The following ANO2 variants were observed in gnomAD, a reference collection of about 807,000 sequenced individuals.
ANO2 encodes anoctamin 2.
ANO2 carries 101 observed loss-of-function variants against 124.2 expected under a neutral mutation model. The ratio of observed to expected loss-of-function variants is 0.81; its 90% CI spans 0.69 to 0.96. The LOEUF is 0.96. Among genes scored for constraint, ANO2 ranks in the 40% least tolerant of loss-of-function variants. ANO2 has a pLI of 0.00. For missense variants in ANO2, 1,293 were observed against 1,274.5 expected (o/e 1.01, Z -0.22); for synonymous variants, 486 against 482.5 (o/e 1.01, Z -0.09).
At chr12:5,632,947 T>C (rs901672555) in intron 16 of ANO2, among the ~76,000 whole-genome samples, 3 of 152,164 alleles carry the variant, frequency 2.0e-5, no homozygotes, top group African/African-American at 7.2e-5. Flanking sequence ...CCTATTTCCC[T>C]GCTAAGTAAT....
chr12:5,941,445 A>C (rs1942889979), intron 1 of ANO2, among the ~76,000 whole-genome samples: 1 of 152,202 alleles, frequency 6.6e-6, no homozygotes, highest in African/African-American at 2.4e-5. Context: ...GATTGGAAAA[A>C]TTTAACAGCA....
At chr12:5,833,292 T>C (rs1954213976) in intron 4 of ANO2, among the ~76,000 whole-genome samples, 1 of 152,248 alleles carries the variant, frequency 6.6e-6, no homozygotes, top group African/African-American at 2.4e-5. Flanking sequence ...TTATAATGCA[T>C]AGCATGCTTT....
At chr12:5,634,509 C>G (rs892643025) in intron 16 of ANO2, among the ~76,000 whole-genome samples, 5 of 152,188 alleles carry the variant, frequency 3.3e-5, no homozygotes, top group Non-Finnish European at 5.9e-5. Flanking sequence ...CAGCCTCCCC[C>G]ACCCAATAAG....
chr12:5,664,220 A>G (rs1395071747), intron 14 of ANO2, among the ~76,000 whole-genome samples: 1 of 152,126 alleles, frequency 6.6e-6, no homozygotes, highest in Non-Finnish European at 1.5e-5. Context: ...GGCCAAGATT[A>G]ATCATTCCAT....
rs369756890 is a variant in ANO2, at chr12:5,812,791, A to G, written c.893-5423T>C. 6.5e-4 allele frequency among the ~76,000 whole-genome samples: 94 copies of G among 143,918 alleles called. 1 individual carries two copies. Among genetic ancestry groups the G allele is most frequent in the African/African-American group, 2.7e-3 (94 of 35,412 alleles). 94.4% of individuals were successfully genotyped at this position (143,918 alleles called of 152,430 possible). A position where few individuals can be genotyped will look rare whatever the true frequency, so the allele number is the denominator to read the frequency against. On this transcript the variant is annotated intron_variant, in intron 7 of 24. Coordinates refer to ENST00000682330, the MANE Select transcript of ANO2 (RefSeq NM_001364791.2). Reference sequence around the variant, plus strand: ...GCAGGCAAGTGAAAGAAAGAAAAAGAAAGAAAGAAAGGAAAAAAGGAAGGA... The same window carrying G: ...GCAGGCAAGTGAAAGAAAGAAAAAGGAAGAAAGAAAGGAAAAAAGGAAGGA...
chr12:5,794,436 T>C (rs760304898), intron 10 of ANO2, among the ~76,000 whole-genome samples: 1 of 152,208 alleles, frequency 6.6e-6, no homozygotes, highest in Non-Finnish European at 1.5e-5. Flanking sequence ...TTTGAGTCAA[T>C]GTGATTTTCA....
intron 3 of ANO2, among the ~76,000 whole-genome samples, chr12:5,887,996 G>C (rs567422541): frequency 2.1e-4 from 32 of 152,314 alleles, no homozygotes; most frequent in Admixed American, 1.8e-3. Context: ...GGTTGATTCT[G>C]TGTCCGCAAT....
chr12:5,652,775 C>T (rs1946973157), intron 14 of ANO2, among the ~76,000 whole-genome samples: 1 of 152,078 alleles, frequency 6.6e-6, no homozygotes, highest in Non-Finnish European at 1.5e-5. Context: ...AGGGTACAGG[C>T]TAGAATATGA....
chr12:5,564,543 G>T (rs1941632527), intron 24 of ANO2: 1 of 152,264 alleles, frequency 6.6e-6, no homozygotes, highest in Admixed American at 6.5e-5. Flanking sequence ...GTTCCTAGGG[G>T]TTCAGGGGAA....
chr12:5,634,755 T>C (rs1945916315), intron 16 of ANO2, among the ~76,000 whole-genome samples: 1 of 152,200 alleles, frequency 6.6e-6, no homozygotes, highest in Admixed American at 6.5e-5. Context: ...GTCAAAAGGC[T>C]TTCCTCAACT....
intron 19 of ANO2, among the ~76,000 whole-genome samples, chr12:5,604,848 G>A (rs1049204058): frequency 2.6e-5 from 4 of 151,874 alleles, no homozygotes; most frequent in Admixed American, 1.3e-4. Context: ...TTACGATTCC[G>A]ACCGTATGAT....
intron 19 of ANO2, among the ~76,000 whole-genome samples, chr12:5,611,807 T>C (rs1168912452): frequency 2.0e-5 from 3 of 152,120 alleles, no homozygotes; most frequent in Non-Finnish European, 4.4e-5. Flanking sequence ...ATTACACCCA[T>C]CCCAGAATGG....
chr12:5,621,230 G>A (rs2361576), intron 16 of ANO2, among the ~76,000 whole-genome samples: 4,828 of 152,250 alleles, frequency 0.032, 101 homozygotes, highest in Middle Eastern at 0.065. Flanking sequence ...ACATCTTCCA[G>A]GCAGACCCCA....
rs535094704 is a variant in ANO2, at chr12:5,922,416, T to C, written c.207+204A>G. Reference sequence around the variant, plus strand: ...TGGCCTCCCACGCCTCCTCCTTTCCTGACCCTCCTCTGACCAGAACAGGGC... The same window carrying C: ...TGGCCTCCCACGCCTCCTCCTTTCCCGACCCTCCTCTGACCAGAACAGGGC... On this transcript the variant is annotated intron_variant, in intron 2 of 24. Transcript: ENST00000682330. 1.3e-4 allele frequency among the ~76,000 whole-genome samples: 20 copies of C among 152,330 alleles called. No homozygotes were observed. In the East Asian group the frequency reaches 1.5e-3, roughly 12 times the overall value.
At chr12:5,579,255 T>A (rs1942599417) in intron 20 of ANO2, among the ~76,000 whole-genome samples, 1 of 152,166 alleles carries the variant, frequency 6.6e-6, no homozygotes, top group Non-Finnish European at 1.5e-5. Flanking sequence ...GAGAGTTAAG[T>A]GTAGGCAAAC....
chr12:5,935,030 T>A (rs1188124710), intron 1 of ANO2, among the ~76,000 whole-genome samples: 1 of 152,138 alleles, frequency 6.6e-6, no homozygotes, highest in Non-Finnish European at 1.5e-5. Context: ...GCAGCAGACA[T>A]GAGGGATAGG....
chr12:5,607,077 AC>A (rs1408696939), intron 19 of ANO2, among the ~76,000 whole-genome samples: 8 of 147,100 alleles, frequency 5.4e-5, no homozygotes, highest in East Asian at 4.1e-4. Flanking sequence ...AAAAAAAAAA[AC>A]AAATCTGGCC....
At chr12:5,825,162 A>G (rs1372052098) in intron 7 of ANO2, among the ~76,000 whole-genome samples, 1 of 152,182 alleles carries the variant, frequency 6.6e-6, no homozygotes, top group African/African-American at 2.4e-5. Context: ...CTCACTTTAC[A>G]GCTAAAGAAG....
rs144019706 is a variant in ANO2 at position 5,762,224 on chromosome 12, T to A, written c.1056-11254A>T. Among the ~76,000 whole-genome samples, 113 of 152,152 alleles carry A rather than the reference T, an allele frequency of 7.4e-4. 1 individual carries two copies. Among genetic ancestry groups the A allele is most frequent in the African/African-American group, 2.7e-3 (112 of 41,564 alleles). ...CCAAGTGAAGTAAAATACTGAAACA[T>A]TAATCGCTGAACATAAGGTTTAACT... On this transcript the variant is annotated intron_variant, in intron 10 of 24. Transcript: ENST00000682330.
Sources: allele counts gnomAD v4.1 joint callset (sites outside exome capture counted in the v4.1 genomes callset), GRCh38; gene constraint gnomAD v4.1.1; transcripts MANE v1.5; gene names NCBI Gene and HGNC (gene_info 2026-07-23, HGNC 2026-07-21).